Variants in HIVEP3 observed in about 807,000 individuals in gnomAD.
HIVEP3 encodes transcription factor HIVEP3.
A neutral mutation model predicts 152.8 loss-of-function variants in HIVEP3; 49 were observed. The observed-to-expected ratio is 0.32, with a 90% CI of 0.26 to 0.41. The LOEUF is 0.41. HIVEP3 is among the 10% of genes least tolerant of loss of function. HIVEP3 has a pLI of 1.00. For synonymous variants in HIVEP3, 1,269 were observed against 1,289.0 expected, an observed-to-expected ratio of 0.98 and a Z score of 0.33; for missense variants, 2,790 against 3,103.3, an observed-to-expected ratio of 0.90 and a Z score of 2.40.
At chr1:41,714,652 G>A (rs753828581) in intron 1 of HIVEP3, among the ~76,000 whole-genome samples, 9 of 152,162 alleles carry the variant, frequency 5.9e-5, no homozygotes, top group African/African-American at 2.2e-4. Context: ...TCACACTCTG[G>A]GGCTGACATG....
intron 1 of HIVEP3, among the ~76,000 whole-genome samples, chr1:41,747,474 G>C (rs531405353): frequency 5.9e-5 from 9 of 152,282 alleles, no homozygotes; most frequent in African/African-American, 1.9e-4. Context: ...ATTTTTTCCT[G>C]ATTATAAAAA....
chr1:41,727,793 G>T (rs1646779839), intron 1 of HIVEP3, among the ~76,000 whole-genome samples: 1 of 152,220 alleles, frequency 6.6e-6, no homozygotes. Context: ...TGGAGTCGTA[G>T]TCAGCTACTT....
intron 3 of HIVEP3, among the ~76,000 whole-genome samples, chr1:41,626,007 A>G (rs1002462546): frequency 1.3e-5 from 2 of 152,230 alleles, no homozygotes; most frequent in Non-Finnish European, 2.9e-5. Flanking sequence ...TTGCTTCCAT[A>G]TCCATTTTCA....
chr1:41,561,618 T>C (rs1644064176), intron 5 of HIVEP3, among the ~76,000 whole-genome samples: 3 of 151,860 alleles, frequency 2.0e-5, no homozygotes, highest in African/African-American at 7.3e-5. Context: ...GCTCAAGCAA[T>C]TCTCCTGCCT....
chr1:41,575,701 C>G lies in HIVEP3; in HGVS notation c.5062-12G>C. On this transcript the variant is annotated splice_polypyrimidine_tract_variant and intron_variant, in intron 4 of 8. Coordinates refer to ENST00000372583, the MANE Select transcript of HIVEP3 (RefSeq NM_024503.5). ...GAAGGGAGGTGAACCTGGCCCACCG[C>G]AGGAATGACAAAATCATTGCTGGTT... The G allele has an allele frequency of 1.9e-6, 3 of 1,613,038 alleles. No individual in the cohort carries two copies. Among genetic ancestry groups the G allele is most frequent in the Non-Finnish European group, 2.5e-6 (3 of 1,179,356 alleles).
chr1:41,885,450 G>A (rs1044340747), intron 1 of HIVEP3, among the ~76,000 whole-genome samples: 4 of 152,168 alleles, frequency 2.6e-5, no homozygotes, highest in African/African-American at 9.7e-5. Context: ...CAGATCACTT[G>A]AGGTCAGGAG....
At chr1:41,705,986 T>A (rs954311322) in intron 1 of HIVEP3, among the ~76,000 whole-genome samples, 3 of 152,086 alleles carry the variant, frequency 2.0e-5, no homozygotes, top group African/African-American at 7.2e-5. Flanking sequence ...TAAATAAAGT[T>A]TTATTGGGAC....
chr1:41,557,638 C>CCCAA (rs1643987938), intron 5 of HIVEP3, among the ~76,000 whole-genome samples: 1 of 151,862 alleles, frequency 6.6e-6, no homozygotes, highest in Non-Finnish European at 1.5e-5. Context: ...GGGCAGGGAA[C>CCCAA]CCAACCTGTG....
intron 5 of HIVEP3, among the ~76,000 whole-genome samples, chr1:41,574,360 T>C (rs1022648366): frequency 9.2e-5 from 14 of 152,142 alleles, no homozygotes; most frequent in Non-Finnish European, 2.1e-4. Context: ...TTTGGTTCAG[T>C]GTTTTTTCAA....
At chr1:41,613,536 T>C (rs1022369032) in intron 3 of HIVEP3, among the ~76,000 whole-genome samples, 2 of 152,238 alleles carry the variant, frequency 1.3e-5, no homozygotes, top group Non-Finnish European at 2.9e-5. Context: ...GTTAAAATTG[T>C]GGAAAGCTTC....
intron 3 of HIVEP3, among the ~76,000 whole-genome samples, chr1:41,615,413 C>T (rs966891787): frequency 3.3e-4 from 51 of 152,350 alleles, no homozygotes; most frequent in African/African-American, 1.1e-3. Flanking sequence ...TTCCCCATCA[C>T]ACCACGCAAG....
chr1:41,520,000 A>G (rs1176552040), intron 6 of HIVEP3, among the ~76,000 whole-genome samples: 1 of 152,182 alleles, frequency 6.6e-6, no homozygotes, highest in Non-Finnish European at 1.5e-5. Flanking sequence ...GTACAGACAG[A>G]AGGATGAAAG....
chr1:41,954,101 C>A (rs1475075813), intron 1 of HIVEP3, among the ~76,000 whole-genome samples: 2 of 152,162 alleles, frequency 1.3e-5, no homozygotes, highest in Admixed American at 6.5e-5. Context: ...CCGCAAGGTT[C>A]CAGGACATGG....
At chr1:41,905,933 C>A (rs1258019982) in intron 1 of HIVEP3, among the ~76,000 whole-genome samples, 2 of 152,214 alleles carry the variant, frequency 1.3e-5, no homozygotes, top group Non-Finnish European at 2.9e-5. Context: ...CAAAGACCTG[C>A]ATGTGAGTGT....
intron 3 of HIVEP3, among the ~76,000 whole-genome samples, chr1:41,618,093 A>G (rs1464938198): frequency 2.6e-5 from 4 of 152,184 alleles, no homozygotes; most frequent in African/African-American, 7.2e-5. Flanking sequence ...CAAGAGAGGA[A>G]ACTTACCCAG....
intron 2 of HIVEP3, among the ~76,000 whole-genome samples, chr1:41,696,764 T>C (rs59754082): frequency 0.042 from 6,358 of 152,024 alleles, 464 homozygotes; most frequent in African/African-American, 0.14. Flanking sequence ...AAAAAAAATC[T>C]GCGTAACTGC....
chr1:41,985,135 T>A lies in HIVEP3; in HGVS notation n.119+50672A>T, dbSNP rs556548806. ...GGGAAGGAGCTAGCCATGGGAAGAA[T>A]GGAAAACTAGTTCCAGGTTACGGGC... On this transcript the variant is annotated intron_variant and non_coding_transcript_variant, in intron 1 of 3. Coordinates refer to the HIVEP3 transcript ENST00000489103. Among the ~76,000 whole-genome samples, 4 of 152,230 alleles carry A rather than the reference T, an allele frequency of 2.6e-5. No individual in the cohort carries two copies. In the East Asian group the frequency reaches 5.8e-4, roughly 22 times the overall value.
chr1:41,662,014 C>G lies in HIVEP3; in HGVS notation c.-720-33067G>C, dbSNP rs1645720259. 1 of 152,202 alleles carries G rather than the reference C, an allele frequency of 6.6e-6. No individual in the cohort carries two copies. Among genetic ancestry groups the G allele is most frequent in the African/African-American group, 2.4e-5 (1 of 41,444 alleles). 9.4% of individuals were successfully genotyped at this position (152,202 alleles called of 1,614,324 possible). On this transcript the variant is annotated intron_variant, in intron 2 of 8. Transcript: ENST00000372583. This position sits in a 1 kb window ranked among gnomAD's most constrained non-coding sequence, Gnocchi z 7.2. ...ACGCACTACTGCAAGCGCGCCCGCGCCCAGCCCTCTCCCACCGACGCGGCT... is the reference window on the plus strand; with the variant it reads ...ACGCACTACTGCAAGCGCGCCCGCGGCCAGCCCTCTCCCACCGACGCGGCT...
chr1:41,887,179 T>G (rs1570740622), intron 1 of HIVEP3, among the ~76,000 whole-genome samples: 1 of 152,312 alleles, frequency 6.6e-6, no homozygotes, highest in East Asian at 1.9e-4. Context: ...GATCAAAGTG[T>G]ATTCAGCCAA....
Sources: allele counts gnomAD v4.1 joint callset (sites outside exome capture counted in the v4.1 genomes callset), GRCh38; gene constraint gnomAD v4.1.1; non-coding constraint Gnocchi (gnomAD v3.1); transcripts MANE v1.5; gene names NCBI Gene and HGNC (gene_info 2026-07-23, HGNC 2026-07-21).